TP63: variants seen among roughly 807,000 people sequenced by gnomAD.
The protein encoded by TP63 is tumor protein p63.
A neutral mutation model predicts 82.8 loss-of-function variants in TP63; 17 were observed. The observed-to-expected ratio is 0.21, with a 90% CI of 0.14 to 0.31. The LOEUF is 0.31. Among genes scored for constraint, TP63 ranks in the 10% least tolerant of loss-of-function variants. The pLI is 1.00. For synonymous variants in TP63, 330 were observed against 321.7 expected (o/e 1.03, Z -0.28); for missense variants, 648 against 895.3 (o/e 0.72, Z 3.52).
At chr3:189,850,167 A>G (rs1283180755) in intron 4 of TP63, among the ~76,000 whole-genome samples, 1 of 148,626 alleles carries the variant, frequency 6.7e-6, no homozygotes, top group African/African-American at 2.5e-5. Flanking sequence ...CTGTAGTCCC[A>G]GCTGTTTGGG....
intron 4 of TP63, among the ~76,000 whole-genome samples, chr3:189,831,763 G>A (rs1007209752): frequency 1.3e-5 from 2 of 150,794 alleles, no homozygotes; most frequent in African/African-American, 4.9e-5. Flanking sequence ...AACACATAGA[G>A]CTGGCAGTGT....
intron 4 of TP63, among the ~76,000 whole-genome samples, chr3:189,856,451 G>A (rs140438510): frequency 1.3e-5 from 2 of 151,910 alleles, no homozygotes; most frequent in East Asian, 3.9e-4. Flanking sequence ...AAACGTGAAA[G>A]TCTAAAATGA....
chr3:189,624,583 A>T, the TP63 span, among the ~76,000 whole-genome samples: 1 of 152,068 alleles, frequency 6.6e-6, no homozygotes, highest in Non-Finnish European at 1.5e-5. Context: ...GCACTACCCC[A>T]TTTATTTTCC....
Position 189,894,555 on chromosome 3 carries a change from A to T in TP63, c.*53A>T. On this transcript the variant is annotated 3_prime_UTR_variant, in exon 14 of 14. Transcript: ENST00000264731. ...CTCTCCTAACTGCCAGCCCCCTAAA[A>T]GCACTCCTGCTTAATCTTCAAAGCC... 6.2e-7 allele frequency: 1 copy of T among 1,600,658 alleles called. No homozygotes were observed. Among genetic ancestry groups the T allele is most frequent in the Non-Finnish European group, 8.5e-7 (1 of 1,175,040 alleles).
At chr3:189,764,740 G>T (rs907657907) in intron 3 of TP63, among the ~76,000 whole-genome samples, 3 of 152,206 alleles carry the variant, frequency 2.0e-5, no homozygotes, top group African/African-American at 7.2e-5. Context: ...GCTCCTAATG[G>T]ATATTATTCA....
rs1721520343 is a variant in TP63 at position 189,896,952 on chromosome 3, A to AGAG, written c.*2451_*2453dup. 4.4e-6 allele frequency: 1 copy of AGAG among 227,310 alleles called. No individual in the cohort carries two copies. Among genetic ancestry groups the AGAG allele is most frequent in the African/African-American group, 2.2e-5 (1 of 44,982 alleles). The allele number at this position is 227,310 out of a possible 1,614,324, so 14.1% of individuals were successfully genotyped here. ...ACGTTTATAAACAGAAATGGAAAGCAGAGTTTTCATTAAATCCTTTTACCT... is the reference window on the plus strand; with the variant it reads ...ACGTTTATAAACAGAAATGGAAAGCAGAGGAGTTTTCATTAAATCCTTTTACCT... On this transcript the variant is annotated 3_prime_UTR_variant, in exon 14 of 14. Transcript: ENST00000264731.
chr3:189,808,950 TAATA>T (rs1379573905), intron 4 of TP63, among the ~76,000 whole-genome samples: 1 of 152,164 alleles, frequency 6.6e-6, no homozygotes. Context: ...CTGAGTAAAA[TAATA>T]AATATAGTGT....
chr3:189,806,391 T>C (rs899913711), intron 3 of TP63, among the ~76,000 whole-genome samples: 4 of 152,150 alleles, frequency 2.6e-5, no homozygotes, highest in African/African-American at 4.8e-5. Context: ...GCACGTGCCT[T>C]TGGGAGCATT....
intron 9 of TP63, among the ~76,000 whole-genome samples, chr3:189,870,168 G>A (rs1453781009): frequency 6.6e-6 from 1 of 152,254 alleles, no homozygotes; most frequent in South Asian, 2.1e-4. Flanking sequence ...AATTGATAAT[G>A]CAGCAATGAT....
At chr3:189,766,761 A>C (rs1722988038) in intron 3 of TP63, among the ~76,000 whole-genome samples, 1 of 152,228 alleles carries the variant, frequency 6.6e-6, no homozygotes, top group Non-Finnish European at 1.5e-5. Context: ...CTCTGGTTTA[A>C]AAAAATGCAC....
At chr3:189,786,439 A>G (rs1409450219) in intron 3 of TP63, among the ~76,000 whole-genome samples, 3 of 123,400 alleles carry the variant, frequency 2.4e-5, no homozygotes, top group Admixed American at 9.6e-5. Flanking sequence ...AAGACCAGAC[A>G]TACCTAAACA....
chr3:189,636,898 C>T (rs1008709475), intron 1 of TP63, among the ~76,000 whole-genome samples: 3 of 152,076 alleles, frequency 2.0e-5, no homozygotes, highest in African/African-American at 4.8e-5. Flanking sequence ...TTGACTGCAT[C>T]GTTTATCATC....
At chr3:189,655,937 A>G (rs561501940) in intron 1 of TP63, among the ~76,000 whole-genome samples, 86 of 152,300 alleles carry the variant, frequency 5.6e-4, no homozygotes, top group Non-Finnish European at 9.1e-4. Context: ...CAAATGACCT[A>G]TTATCCATAA....
intron 3 of TP63, among the ~76,000 whole-genome samples, chr3:189,782,787 T>C (rs947281342): frequency 1.2e-4 from 19 of 152,124 alleles, no homozygotes; most frequent in African/African-American, 4.6e-4. Flanking sequence ...TGAATATGTT[T>C]ATTTTAATGA....
At chr3:189,777,596 A>T (rs1723898070) in intron 3 of TP63, among the ~76,000 whole-genome samples, 1 of 150,380 alleles carries the variant, frequency 6.6e-6, no homozygotes, top group African/African-American at 2.5e-5. Context: ...TTCCTCTTCT[A>T]TTTCCTTTTT....
chr3:189,618,786 C>T, the TP63 span, among the ~76,000 whole-genome samples: 30 of 152,288 alleles, frequency 2.0e-4, no homozygotes, highest in African/African-American at 6.5e-4. Context: ...GGTGAATTTT[C>T]TGGCTTCATA....
At chr3:189,804,568 A>G (rs913485847) in intron 3 of TP63, among the ~76,000 whole-genome samples, 3 of 152,220 alleles carry the variant, frequency 2.0e-5, no homozygotes, top group East Asian at 1.9e-4. Flanking sequence ...TTGGCTTCCA[A>G]TTGTACCCTG....
At chr3:189,834,889 T>G (rs1204237375) in intron 4 of TP63, among the ~76,000 whole-genome samples, 1 of 50,076 alleles carries the variant, frequency 2.0e-5, no homozygotes, top group East Asian at 9.4e-4. Context: ...GTTTTTTTCC[T>G]TTTTTTTTTT....
chr3:189,893,250 C>T (rs1042344455), intron 13 of TP63, among the ~76,000 whole-genome samples: 3 of 152,110 alleles, frequency 2.0e-5, no homozygotes, highest in African/African-American at 2.4e-5. Flanking sequence ...GCATCTTTTG[C>T]CCTATAAAGC....
Sources: gnomAD v4.1 joint callset for allele counts (sites outside exome capture counted in the v4.1 genomes callset) on GRCh38, gnomAD v4.1.1 for gene constraint, MANE v1.5 for transcripts, NCBI Gene and HGNC (gene_info 2026-07-23, HGNC 2026-07-21) for gene names.